The following JDP2 variants were observed in gnomAD, a reference collection of about 807,000 sequenced individuals.
The protein encoded by JDP2 is progesterone receptor co-activator.
A neutral mutation model predicts 17.1 loss-of-function variants in JDP2; 9 were observed. The ratio of observed to expected loss-of-function variants is 0.53; its 90% CI spans 0.32 to 0.92. The LOEUF is 0.92. JDP2 is among the 40% of genes least tolerant of loss of function. The pLI is 0.04. For synonymous variants in JDP2, 107 were observed against 95.6 expected (o/e 1.12, Z -0.69); for missense variants, 179 against 220.0 (o/e 0.81, Z 1.18).
chr14:75,461,588 C>G (rs2139993460), intron 3 of JDP2, 58 bp downstream of exon 3: 2 of 1,334,114 alleles, frequency 1.5e-6, no homozygotes, highest in South Asian at 2.5e-5. Flanking sequence ...CTTGTGTACT[C>G]TGGACCAGGA....
At chr14:75,451,680 C>A (rs558431870) in intron 2 of JDP2, among the ~76,000 whole-genome samples, 1 of 152,250 alleles carries the variant, frequency 6.6e-6, no homozygotes, top group East Asian at 1.9e-4. Flanking sequence ...TGGGCAGGTG[C>A]AGGGGAGTGG....
In JDP2 at chr14:75,460,622, G is replaced by C. The variant is rs1018222472; in HGVS notation, c.202-804G>C. ...CTGGGCAAAAGAAAAGGTCGTCACC[G>C]CCCGTTGGGTGCCACCTCTGTGTGA... On this transcript the variant is annotated intron_variant, in intron 2 of 3. Coordinates refer to ENST00000651602, the MANE Select transcript of JDP2 (RefSeq NM_001135048.2). 3.3e-5 allele frequency among the ~76,000 whole-genome samples: 5 copies of C among 152,202 alleles called. No individual in the cohort carries two copies. The East Asian group carries it at 9.6e-4, about 29-fold the overall frequency.
Position 75,470,857 on chromosome 14 carries a change from C to T in JDP2, c.*1382C>T, listed in dbSNP as rs1886793102. On this transcript the variant is annotated 3_prime_UTR_variant, in exon 4 of 4. Coordinates refer to ENST00000651602, the MANE Select transcript of JDP2 (RefSeq NM_001135048.2). ...ATTCACAGATGGCGAATTAGAGGTCCAGGGAATTAAACTCGCAGACACCAT... is the reference window on the plus strand; with the variant it reads ...ATTCACAGATGGCGAATTAGAGGTCTAGGGAATTAAACTCGCAGACACCAT... The T allele has an allele frequency of 6.6e-6, 1 of 152,196 alleles. No individual in the cohort carries two copies. Among genetic ancestry groups the T allele is most frequent in the South Asian group, 2.1e-4 (1 of 4,834 alleles). 9.4% of individuals were successfully genotyped at this position (152,196 alleles called of 1,614,324 possible).
intron 2 of JDP2, chr14:75,445,132 C>T (rs1410645804): frequency 4.1e-6 from 4 of 985,270 alleles, no homozygotes; most frequent in Non-Finnish European, 4.8e-6. Context: ...ACTGAGTCCT[C>T]TCCTGGGTGA....
chr14:75,465,596 C>G (rs1309957412), intron 3 of JDP2, among the ~76,000 whole-genome samples: 1 of 152,194 alleles, frequency 6.6e-6, no homozygotes, highest in Non-Finnish European at 1.5e-5. Context: ...TCCCAAAGTT[C>G]TGGGATTACA....
intron 2 of JDP2, among the ~76,000 whole-genome samples, chr14:75,457,633 C>G (rs939416496): frequency 6.6e-6 from 1 of 152,230 alleles, no homozygotes; most frequent in African/African-American, 2.4e-5. Context: ...CAGGAAAGGC[C>G]TGGGGCTGGG....
At chr14:75,468,581 C>T (rs759908652) in intron 3 of JDP2, among the ~76,000 whole-genome samples, 6 of 152,234 alleles carry the variant, frequency 3.9e-5, no homozygotes, top group Non-Finnish European at 8.8e-5. Flanking sequence ...CCCCTGGAAC[C>T]TCTCCAGCTG....
chr14:75,465,379 T>G (rs1404026133), intron 3 of JDP2, among the ~76,000 whole-genome samples: 1 of 152,226 alleles, frequency 6.6e-6, no homozygotes, highest in Non-Finnish European at 1.5e-5. Flanking sequence ...TCACCCAGGC[T>G]GGAGTGCAGT....
Position 75,469,696 on chromosome 14 carries a change from C to T in JDP2, c.*221C>T. The T allele has an allele frequency of 1.9e-6, 1 of 539,030 alleles. No homozygotes were observed. Among genetic ancestry groups the T allele is most frequent in the East Asian group, 3.2e-5 (1 of 31,332 alleles). 33.4% of individuals were successfully genotyped at this position (539,030 alleles called of 1,614,324 possible). ...ACCCAGAGGGACCAAGCGCTGAGAC[C>T]AAAGTTGACCCTCGGGTAGGGTTGT... On this transcript the variant is annotated 3_prime_UTR_variant, in exon 4 of 4. Transcript: ENST00000651602.
intron 3 of JDP2, among the ~76,000 whole-genome samples, chr14:75,467,884 G>A (rs1886635835): frequency 6.6e-6 from 1 of 152,086 alleles, no homozygotes; most frequent in African/African-American, 2.4e-5. Context: ...CTTTAGTGAG[G>A]CTGTTTTCTC....
chr14:75,460,683 C>G (rs1463922381), intron 2 of JDP2, among the ~76,000 whole-genome samples: 1 of 152,222 alleles, frequency 6.6e-6, no homozygotes, highest in Non-Finnish European at 1.5e-5. Flanking sequence ...CTGAACTCCT[C>G]ATCTGGCTTT....
intron 2 of JDP2, among the ~76,000 whole-genome samples, chr14:75,452,440 T>C (rs1181894161): frequency 5.3e-5 from 8 of 152,116 alleles, no homozygotes; most frequent in Non-Finnish European, 1.2e-4. Flanking sequence ...GTGACCTGAT[T>C]GACTCGAGGT....
At chr14:75,445,570 A>G in intron 2 of JDP2, 1 of 985,394 alleles carries the variant, frequency 1.0e-6, no homozygotes. Context: ...TTGGCTCTGG[A>G]GAGTTCACTA....
intron 3 of JDP2, 21 bp from the exon 4 acceptor site, chr14:75,469,269 T>C: frequency 3.1e-6 from 5 of 1,606,670 alleles, no homozygotes; most frequent in Non-Finnish European, 3.4e-6. Context: ...ACTCACAGCG[T>C]GCTTCTGTGT....
chr14:75,458,821 A>C (rs938505980), intron 2 of JDP2, among the ~76,000 whole-genome samples: 1 of 152,166 alleles, frequency 6.6e-6, no homozygotes. Flanking sequence ...CCAAGTGGGA[A>C]AGGAAGGATA....
chr14:75,433,843 C>T (rs1160766719), intron 1 of JDP2, among the ~76,000 whole-genome samples: 1 of 152,110 alleles, frequency 6.6e-6, no homozygotes, highest in Non-Finnish European at 1.5e-5. Context: ...AGCCCCTTTT[C>T]CCAATGTTGG....
At chr14:75,446,277 C>T (rs574640183) in intron 2 of JDP2, among the ~76,000 whole-genome samples, 43 of 152,182 alleles carry the variant, frequency 2.8e-4, no homozygotes, top group Non-Finnish European at 5.3e-4. Context: ...AGTTCCCATG[C>T]GATCCAGCCA....
chr14:75,461,823 C>T (rs1886361311), intron 3 of JDP2, among the ~76,000 whole-genome samples: 1 of 152,160 alleles, frequency 6.6e-6, no homozygotes, highest in African/African-American at 2.4e-5. Flanking sequence ...GCTGATTGAC[C>T]CAGATGGCCC....
intron 2 of JDP2, among the ~76,000 whole-genome samples, chr14:75,451,040 T>C (rs1262511704): frequency 2.0e-5 from 3 of 152,094 alleles, no homozygotes; most frequent in Admixed American, 6.5e-5. Flanking sequence ...GTGTATGGTA[T>C]ATGGCACCTC....
Sources: allele counts gnomAD v4.1 joint callset (sites outside exome capture counted in the v4.1 genomes callset), GRCh38; gene constraint gnomAD v4.1.1; transcripts MANE v1.5; gene names NCBI Gene and HGNC (gene_info 2026-07-23, HGNC 2026-07-21).